ZEB1: variants seen among roughly 807,000 people sequenced by gnomAD.
ZEB1 encodes the protein zinc finger E-box-binding homeobox 1.
ZEB1 carries 21 observed loss-of-function variants against 84.9 expected under a neutral mutation model. The ratio of observed to expected loss-of-function variants is 0.25; its 90% CI spans 0.18 to 0.36. The LOEUF is 0.36. Among genes scored for constraint, ZEB1 ranks in the 10% least tolerant of loss-of-function variants. The pLI is 1.00. For missense variants in ZEB1, 1,104 were observed against 1,330.2 expected (o/e 0.83, Z 2.65); for synonymous variants, 420 against 471.1 (o/e 0.89, Z 1.41).
chr10:31,474,219 T>C (rs1479673521), intron 2 of ZEB1, among the ~76,000 whole-genome samples: 4 of 151,860 alleles, frequency 2.6e-5, no homozygotes, highest in African/African-American at 9.7e-5. Context: ...TGGGATCTAA[T>C]TAAACTAAAG....
intron 1 of ZEB1, chr10:31,321,399 A>G: frequency 1.2e-6 from 2 of 1,600,930 alleles, no homozygotes; most frequent in South Asian, 1.1e-5. Flanking sequence ...TGGTATTCTC[A>G]TTGTGGAGAG....
rs1272623704 is a variant in ZEB1 at position 31,408,587 on chromosome 10, G to T, written c.59-52450G>T. Among the ~76,000 whole-genome samples the T allele has an allele frequency of 1.7e-4, 25 of 146,262 alleles. No individual in the cohort carries two copies. In the East Asian group the frequency reaches 4.3e-3, roughly 25 times the overall value. On this transcript the variant is annotated intron_variant, in intron 1 of 8. Coordinates refer to ENST00000424869, the MANE Select transcript of ZEB1 (RefSeq NM_001174096.2). ...ACTGAACAGAGCCCTCAGAAATAAC[G>T]CCGCATATCTACAACTATCTGATCT...
chr10:31,337,948 G>A (rs2038527615), intron 1 of ZEB1, among the ~76,000 whole-genome samples: 1 of 152,068 alleles, frequency 6.6e-6, no homozygotes, highest in African/African-American at 2.4e-5. Context: ...CTCCCATAGT[G>A]TTGGGATTAC....
intron 2 of ZEB1, among the ~76,000 whole-genome samples, chr10:31,461,936 T>A (rs2061869505): frequency 6.6e-6 from 1 of 152,064 alleles, no homozygotes; most frequent in South Asian, 2.1e-4. Flanking sequence ...TAAGCACCAA[T>A]GATATAAAAA....
chr10:31,521,875 C>T lies in ZEB1; in HGVS notation c.2543C>T (p.Thr848Ile). The T allele has an allele frequency of 6.2e-7, 1 of 1,614,058 alleles. No homozygotes were observed. Among genetic ancestry groups the T allele is most frequent in the Non-Finnish European group, 8.5e-7 (1 of 1,179,974 alleles). ...LIPQVAYTYS[T>I]TVSPAVQEPP... ...CCCCAGGTGGCATACACCTACTCAA[C>T]TACGGTCAGCCCTGCAGTCCAAGAA... Residue 848 changes from threonine to isoleucine, a missense_variant, in exon 7 of 9, where the codon ACT (threonine) becomes ATT (isoleucine). Physicochemically the swap from Thr to Ile is moderately conservative, Grantham distance 89 (BLOSUM62 -1). Coordinates refer to ENST00000424869, the MANE Select transcript of ZEB1 (RefSeq NM_001174096.2).
chr10:31,520,301 T>A lies in ZEB1; in HGVS notation c.969T>A (p.Ser323Arg). 1 of 1,613,906 alleles carries A rather than the reference T, an allele frequency of 6.2e-7. No individual in the cohort carries two copies. The highest frequency in any genetic ancestry group is 8.5e-7 in the Non-Finnish European group (1 of 1,179,898). Residue 323 changes from serine to arginine, a missense_variant, in exon 7 of 9, where the codon AGT becomes AGA. Ser to Arg is a moderately radical substitution (Grantham distance 110, BLOSUM62 -1). Coordinates refer to ENST00000424869, the MANE Select transcript of ZEB1 (RefSeq NM_001174096.2). This position sits in a 1 kb window ranked among gnomAD's most constrained non-coding sequence, Gnocchi z 5.1. Reference sequence around the variant, plus strand: ...CGTCTCTTTCAGCATCACCAGGCAGTCCCACACGACCACAGATACGGCAAA... The same window carrying A: ...CGTCTCTTTCAGCATCACCAGGCAGACCCACACGACCACAGATACGGCAAA... ...SSPSLSASPGSPTRPQIRQKI... is the reference protein window; with the variant it reads ...SSPSLSASPGRPTRPQIRQKI...
At chr10:31,485,792 GAC>G (rs1223483068) in intron 2 of ZEB1, among the ~76,000 whole-genome samples, 3 of 150,938 alleles carry the variant, frequency 2.0e-5, no homozygotes, top group Non-Finnish European at 4.4e-5. Flanking sequence ...CACACAAACA[GAC>G]ACACACATAA....
intron 1 of ZEB1, among the ~76,000 whole-genome samples, chr10:31,411,428 G>A (rs1455332184): frequency 6.6e-6 from 1 of 152,018 alleles, no homozygotes; most frequent in East Asian, 1.9e-4. Context: ...TCAGGAGATC[G>A]AGACCATCCT....
chr10:31,371,913 T>A (rs1350839082), intron 1 of ZEB1, among the ~76,000 whole-genome samples: 1 of 152,180 alleles, frequency 6.6e-6, no homozygotes, highest in South Asian at 2.1e-4. Flanking sequence ...AGTGGATTAT[T>A]CACTTTATAT....
chr10:31,354,571 A>G (rs1347316150), intron 1 of ZEB1, among the ~76,000 whole-genome samples: 2 of 152,116 alleles, frequency 1.3e-5, no homozygotes, highest in Non-Finnish European at 2.9e-5. Flanking sequence ...TAGGATTGAT[A>G]GTGTCGTTCT....
upstream of ZEB1, chr10:31,319,204 A>C: frequency 6.4e-7 from 1 of 1,574,174 alleles, no homozygotes; most frequent in Non-Finnish European, 8.6e-7. Flanking sequence ...GGAGGAGGTG[A>C]CTCGAGCATT....
intron 1 of ZEB1, among the ~76,000 whole-genome samples, chr10:31,366,929 C>G (rs1650487220): frequency 6.6e-6 from 1 of 152,170 alleles, no homozygotes; most frequent in Non-Finnish European, 1.5e-5. Context: ...CTTTAGCATT[C>G]CACATACAGT....
chr10:31,460,734 A>C (rs1004828668), intron 1 of ZEB1, among the ~76,000 whole-genome samples: 1 of 152,122 alleles, frequency 6.6e-6, no homozygotes, highest in African/African-American at 2.4e-5. Flanking sequence ...ATAAGTAGTA[A>C]GTGGTAGAAC....
chr10:31,441,230 C>T (rs2058934805), intron 1 of ZEB1, among the ~76,000 whole-genome samples: 1 of 152,136 alleles, frequency 6.6e-6, no homozygotes, highest in South Asian at 2.1e-4. Flanking sequence ...TGGAACAGAA[C>T]AGAGGCCTCA....
intron 1 of ZEB1, among the ~76,000 whole-genome samples, chr10:31,371,293 G>A (rs931271474): frequency 4.6e-5 from 7 of 152,164 alleles, no homozygotes; most frequent in Non-Finnish European, 1.0e-4. Context: ...GAGCAATTTA[G>A]AATTGTTTCT....
In ZEB1 at chr10:31,498,276, A is replaced by G. The variant is rs985390804; in HGVS notation, c.322+2438A>G. ...AATTGGGCCTGGTAAATGTGGGTTC[A>G]TGGATATAGAGTGTAGTTTAATGGA... is the stretch of plus-strand genomic sequence containing the variant. On this transcript the variant is annotated intron_variant, in intron 3 of 8. Transcript: ENST00000424869. Among the ~76,000 whole-genome samples the G allele has an allele frequency of 5.9e-5, 9 of 152,222 alleles. No homozygotes were observed. In the South Asian group the frequency reaches 1.7e-3, roughly 28 times the overall value.
At chr10:31,452,853 C>A (rs1349234182) in intron 1 of ZEB1, among the ~76,000 whole-genome samples, 1 of 151,900 alleles carries the variant, frequency 6.6e-6, no homozygotes, top group African/African-American at 2.4e-5. Flanking sequence ...ATCTTTGCAT[C>A]ACTCAGCATT....
At position 31,500,680 on chromosome 10, in the gene ZEB1, C is replaced by T. The variant is rs140314348; in HGVS notation, c.323-1668C>T. Among the ~76,000 whole-genome samples the T allele has an allele frequency of 7.2e-5, 11 of 152,244 alleles. No individual in the cohort carries two copies. In the East Asian group the frequency reaches 1.9e-3, roughly 27 times the overall value. ...CATGTCATGGATGGATAGAGGAATA[C>T]GCCTTTTCTCTTTTTTTCTTTTAAG... On this transcript the variant is annotated intron_variant, in intron 3 of 8. Transcript: ENST00000424869.
At chr10:31,353,883 T>C (rs142207570) in intron 1 of ZEB1, among the ~76,000 whole-genome samples, 53 of 152,348 alleles carry the variant, frequency 3.5e-4, no homozygotes, top group African/African-American at 1.2e-3. Context: ...TGTCCTGATT[T>C]GTTCTTGAAG....
Sources: allele counts gnomAD v4.1 joint callset (sites outside exome capture counted in the v4.1 genomes callset), GRCh38; gene constraint gnomAD v4.1.1; non-coding constraint Gnocchi (gnomAD v3.1); transcripts MANE v1.5; gene names NCBI Gene and HGNC (gene_info 2026-07-23, HGNC 2026-07-21).